Variants in KSR2 observed in about 807,000 individuals in gnomAD.
KSR2 encodes the protein kinase suppressor of ras 2.
KSR2 carries 25 observed loss-of-function variants against 107.8 expected under a neutral mutation model. The observed-to-expected ratio is 0.23, with a 90% confidence interval of 0.17 to 0.32. The LOEUF (loss-of-function observed/expected upper bound fraction) is 0.32, where lower values mean the gene tolerates loss of function less well. KSR2 is among the 10% of genes least tolerant of loss of function. KSR2 has a pLI of 1.00. For missense variants in KSR2, 887 were observed against 1,268.9 expected (o/e 0.70, Z 4.57); for synonymous variants, 480 against 507.0 (o/e 0.95, Z 0.71).
chr12:117,944,820 C>T (rs1470441159), intron 1 of KSR2, among the ~76,000 whole-genome samples: 2 of 150,340 alleles, frequency 1.3e-5, no homozygotes, highest in African/African-American at 2.4e-5. Context: ...ATCTCGCCAT[C>T]GCACTCCAGC....
At chr12:117,787,725 C>T (rs1273031149) in intron 3 of KSR2, among the ~76,000 whole-genome samples, 1 of 152,124 alleles carries the variant, frequency 6.6e-6, no homozygotes, top group African/African-American at 2.4e-5. Flanking sequence ...TGGCTAGGCA[C>T]AAGAAGGAGC....
intron 5 of KSR2, among the ~76,000 whole-genome samples, chr12:117,605,987 T>C (rs1056410039): frequency 3.3e-5 from 5 of 151,960 alleles, no homozygotes; most frequent in African/African-American, 4.8e-5. Flanking sequence ...AAAGAAACAA[T>C]GGGACCAGAG....
At chr12:117,568,164 T>C (rs1281642204) in intron 7 of KSR2, among the ~76,000 whole-genome samples, 1 of 152,148 alleles carries the variant, frequency 6.6e-6, no homozygotes, top group African/African-American at 2.4e-5. Context: ...GTAAATGTAT[T>C]ACTTGCTGTA....
chr12:117,608,035 G>T (rs899380604), intron 5 of KSR2, among the ~76,000 whole-genome samples: 29 of 152,204 alleles, frequency 1.9e-4, no homozygotes, highest in African/African-American at 6.5e-4. Flanking sequence ...CCCCTTGAGG[G>T]GAGGAAACTG....
At chr12:117,734,744 GCATGCATGC>G (rs1565986438) in intron 4 of KSR2, among the ~76,000 whole-genome samples, 21 of 123,134 alleles carry the variant, frequency 1.7e-4, no homozygotes, top group Non-Finnish European at 3.3e-4. Context: ...ATGCATGCAT[GCATGCATGC>G]ATGGATGGAT....
At chr12:117,590,724 C>T (rs765516714) in intron 5 of KSR2, among the ~76,000 whole-genome samples, 48 of 152,252 alleles carry the variant, frequency 3.2e-4, no homozygotes, top group Non-Finnish European at 5.7e-4. Flanking sequence ...GGCACACAGC[C>T]ACACCCACTC....
rs193177005 is a variant in KSR2, at chr12:117,746,127, A to T, written c.986+14884T>A. Reference sequence around the variant, plus strand: ...AAAAAAGAGCCCTTATAGCCAAGACAATCCTAAGCAAAAAGAACTAAGCTG... The same window carrying T: ...AAAAAAGAGCCCTTATAGCCAAGACTATCCTAAGCAAAAAGAACTAAGCTG... On this transcript the variant is annotated intron_variant, in intron 4 of 19. Transcript: ENST00000339824. 1.2e-3 allele frequency among the ~76,000 whole-genome samples: 180 copies of T among 152,296 alleles called. 2 individuals are homozygous for T. The highest frequency in any genetic ancestry group is 4.1e-3 in the African/African-American group (171 of 41,558).
At chr12:117,738,410 T>C (rs923693202) in intron 4 of KSR2, among the ~76,000 whole-genome samples, 3 of 152,214 alleles carry the variant, frequency 2.0e-5, no homozygotes, top group African/African-American at 7.2e-5. Flanking sequence ...CTAGATGACG[T>C]AGCCTACTAT....
chr12:117,794,488 AC>A (rs1209483252), intron 3 of KSR2, among the ~76,000 whole-genome samples: 8 of 139,060 alleles, frequency 5.8e-5, no homozygotes, highest in African/African-American at 1.7e-4. Context: ...ATGCACACTC[AC>A]ACCAACATGC....
intron 12 of KSR2, among the ~76,000 whole-genome samples, chr12:117,528,840 T>C (rs1210918686): frequency 1.3e-5 from 2 of 152,124 alleles, no homozygotes; most frequent in Non-Finnish European, 2.9e-5. Flanking sequence ...CTGCAAAGAG[T>C]TGTCATCACT....
At chr12:117,863,983 A>G (rs974946961) in intron 1 of KSR2, among the ~76,000 whole-genome samples, 2 of 152,106 alleles carry the variant, frequency 1.3e-5, no homozygotes, top group African/African-American at 4.8e-5. Flanking sequence ...CAAGATCCTT[A>G]TCTTACATCT....
chr12:117,793,116 A>ACT (rs1890329984), intron 3 of KSR2, among the ~76,000 whole-genome samples: 4 of 97,840 alleles, frequency 4.1e-5, no homozygotes, highest in African/African-American at 1.1e-4. Context: ...CAACGTGCAC[A>ACT]CAAACATGCA....
At chr12:117,526,940 T>C in intron 13 of KSR2, 131 bp downstream of exon 13, 1 of 717,924 alleles carries the variant, frequency 1.4e-6, no homozygotes, top group South Asian at 1.7e-5. Flanking sequence ...AGAGTTAGAA[T>C]ATCCATCAGT....
intron 5 of KSR2, among the ~76,000 whole-genome samples, chr12:117,630,359 A>ATGTGTG (rs58496440): frequency 2.4e-4 from 36 of 150,906 alleles, no homozygotes; most frequent in Admixed American, 4.6e-4. Context: ...AAGGAAGAAA[A>ATGTGTG]TGTGTGTGTG....
At chr12:117,917,540 A>G (rs1895216331) in intron 1 of KSR2, among the ~76,000 whole-genome samples, 1 of 152,192 alleles carries the variant, frequency 6.6e-6, no homozygotes, top group African/African-American at 2.4e-5. Flanking sequence ...CTCTAAAAAA[A>G]AGTTTAATAA....
At chr12:117,704,415 G>C (rs1409110068) in intron 4 of KSR2, among the ~76,000 whole-genome samples, 1 of 152,096 alleles carries the variant, frequency 6.6e-6, no homozygotes, top group Non-Finnish European at 1.5e-5. Flanking sequence ...GATCAACACA[G>C]CCTCACCTGC....
At chr12:117,836,868 G>A (rs1487350272) in intron 3 of KSR2, among the ~76,000 whole-genome samples, 2 of 152,220 alleles carry the variant, frequency 1.3e-5, no homozygotes, top group South Asian at 2.1e-4. Flanking sequence ...GCCCCAGGCC[G>A]GGCCCCAAGC....
At chr12:117,675,745 C>A (rs930704169) in intron 4 of KSR2, among the ~76,000 whole-genome samples, 1 of 152,194 alleles carries the variant, frequency 6.6e-6, no homozygotes, top group Non-Finnish European at 1.5e-5. Context: ...AGCCTTTACC[C>A]GGCCAAATCC....
At chr12:117,580,884 G>C (rs1189018472) in intron 6 of KSR2, among the ~76,000 whole-genome samples, 3 of 152,006 alleles carry the variant, frequency 2.0e-5, no homozygotes, top group Non-Finnish European at 4.4e-5. Context: ...GGGCGTGGCT[G>C]AGCCTGGGGC....
Sources: gnomAD v4.1 joint callset for allele counts (sites outside exome capture counted in the v4.1 genomes callset) on GRCh38, gnomAD v4.1.1 for gene constraint, MANE v1.5 for transcripts, NCBI Gene and HGNC (gene_info 2026-07-23, HGNC 2026-07-21) for gene names.